Variants in RBM15 observed in about 807,000 individuals in gnomAD.
The protein encoded by RBM15 is RNA binding motif protein 15.
RBM15 carries 8 observed loss-of-function variants against 62.6 expected under a neutral mutation model. That is an observed-to-expected ratio of 0.13 (90% CI 0.07 to 0.23). The LOEUF is 0.23. Among genes scored for constraint, RBM15 ranks in the 10% least tolerant of loss-of-function variants. The pLI is 1.00. For synonymous variants in RBM15, 606 were observed against 505.7 expected, an observed-to-expected ratio of 1.20 and a Z score of -2.66; for missense variants, 1,144 against 1,286.5, an observed-to-expected ratio of 0.89 and a Z score of 1.69.
At chr1:110,343,906 A>T (rs919562383) in intron 1 of RBM15, among the ~76,000 whole-genome samples, 1 of 152,182 alleles carries the variant, frequency 6.6e-6, no homozygotes, top group Non-Finnish European at 1.5e-5. Flanking sequence ...TGTCTAATGC[A>T]TGTCAGCACA....
In RBM15 at chr1:110,340,447, A is replaced by C; in HGVS notation, c.1042A>C (p.Arg348=). Residue 348 remains arginine (R), a synonymous_variant, in exon 1 of 3, where the codon AGG becomes CGG. Transcript: ENST00000369784. This position sits in a 1 kb window ranked among gnomAD's most constrained non-coding sequence, Gnocchi z 5.8. Reference sequence around the variant, plus strand: ...GCGCCCTGCATACAGTCTTGAGCCAAGGGTGGGAGCTGGAGCAGGTGCTGC... The same window carrying C: ...GCGCCCTGCATACAGTCTTGAGCCACGGGTGGGAGCTGGAGCAGGTGCTGC... The part of the protein sequence containing the change: ...RVRPAYSLEP[R]VGAGAGAAPF... 1 of 1,614,198 alleles carries C rather than the reference A, an allele frequency of 6.2e-7. No homozygotes were observed. Among genetic ancestry groups the C allele is most frequent in the African/African-American group, 1.3e-5 (1 of 75,052 alleles).
rs1660778367 is a variant in RBM15 at position 110,340,773 on chromosome 1, C to T, written c.1368C>T (p.Arg456=). The T allele has an allele frequency of 1.2e-6, 2 of 1,614,060 alleles. No individual in the cohort carries two copies. Among genetic ancestry groups the T allele is most frequent in the Non-Finnish European group, 1.7e-6 (2 of 1,180,050 alleles). The part of the protein sequence containing the change: ...IGYGKATPTT[R]LWVGGLGPWV... ...ATGGTAAAGCTACACCCACCACCCG[C>T]CTCTGGGTGGGAGGCCTGGGACCTT... The change falls in exon 1 of 3, where the codon CGC becomes CGT. Residue 456 remains arginine, a synonymous_variant. Transcript: ENST00000369784. This position sits in a 1 kb window ranked among gnomAD's most constrained non-coding sequence, Gnocchi z 5.8.
chr1:110,340,610 A>G lies in RBM15; in HGVS notation c.1205A>G (p.Glu402Gly). ...TTTGATCGCTTTGGAGTCATCACAG[A>G]AGTAGATATCAAGAGGCCTTCTCGC... ...RAFDRFGVIT[E>G]VDIKRPSRGQ... Residue 402 changes from glutamate to glycine, a missense_variant, in exon 1 of 3, where the codon GAA (glutamate) becomes GGA (glycine). Glu to Gly is a moderately conservative substitution (Grantham distance 98, BLOSUM62 -2). Around this residue, in one of 8 missense-constraint regions of RBM15, gnomAD observed 105 missense variants for 193.6 expected, o/e 0.54. Coordinates refer to ENST00000369784, the MANE Select transcript of RBM15 (RefSeq NM_022768.5). This position sits in a 1 kb window ranked among gnomAD's most constrained non-coding sequence, Gnocchi z 5.8. 6.2e-7 allele frequency: 1 copy of G among 1,614,196 alleles called. No homozygotes were observed.
At position 110,341,239 on chromosome 1, in the gene RBM15, G is replaced by A. The variant is rs1235785151; in HGVS notation, c.1834G>A (p.Asp612Asn). Residue 612 changes from aspartate (D) to asparagine (N), a missense_variant, in exon 1 of 3, where the codon GAT (aspartate) becomes AAT (asparagine). Transcript: ENST00000369784. This position sits in a 1 kb window ranked among gnomAD's most constrained non-coding sequence, Gnocchi z 4.5. ...TTCTGTGCCTGCTTACGAGCCACTGGATAGCCTAGATCGCAGGCGGGATGG... is the reference window on the plus strand; with the variant it reads ...TTCTGTGCCTGCTTACGAGCCACTGAATAGCCTAGATCGCAGGCGGGATGG... Reference protein sequence around the residue: ...ATSVPAYEPLDSLDRRRDGWS... With the variant: ...ATSVPAYEPLNSLDRRRDGWS... 1.9e-6 allele frequency: 3 copies of A among 1,614,128 alleles called. No individual in the cohort carries two copies. Among genetic ancestry groups the A allele is most frequent in the Admixed American group, 3.3e-5 (2 of 60,026 alleles).
At chr1:110,342,441 G>A (rs996375732) in intron 1 of RBM15, 173 bp downstream of exon 1, 21 of 503,326 alleles carry the variant, frequency 4.2e-5, no homozygotes, top group Admixed American at 2.7e-4. Flanking sequence ...GGACAGTTTA[G>A]CTATTTTTTT....
chr1:110,340,303 T>G lies in RBM15; in HGVS notation c.898T>G (p.Leu300Val). ...QRSLSPGGAA[L>V]GYRDYRLQQL... is the part of the protein sequence containing the mutation. ...ATCACTTTCCCCTGGTGGCGCTGCTTTGGGATACAGAGACTACCGGCTGCA... is the reference window on the plus strand; with the variant it reads ...ATCACTTTCCCCTGGTGGCGCTGCTGTGGGATACAGAGACTACCGGCTGCA... Residue 300 changes from leucine to valine, a missense_variant, in exon 1 of 3, where the codon TTG becomes GTG. Physicochemically the swap from Leu to Val is conservative, Grantham distance 32 (BLOSUM62 1). Coordinates refer to ENST00000369784, the MANE Select transcript of RBM15 (RefSeq NM_022768.5). This position sits in a 1 kb window ranked among gnomAD's most constrained non-coding sequence, Gnocchi z 5.8. The G allele has an allele frequency of 6.2e-7, 1 of 1,614,172 alleles. No individual in the cohort carries two copies. Among genetic ancestry groups the G allele is most frequent in the Non-Finnish European group, 8.5e-7 (1 of 1,180,030 alleles).
At position 110,346,506 on chromosome 1, in the gene RBM15, G is replaced by A. The variant is rs550686043; in HGVS notation, c.*239G>A. The A allele has an allele frequency of 2.0e-5, 15 of 742,240 alleles. No individual in the cohort carries two copies. In the East Asian group the frequency reaches 2.2e-4, roughly 11 times the overall value. 46.0% of individuals were successfully genotyped at this position (742,240 alleles called of 1,614,324 possible). A position where few individuals can be genotyped will look rare whatever the true frequency, so the allele number is the denominator to read the frequency against. On this transcript the variant is annotated 3_prime_UTR_variant, in exon 3 of 3. Transcript: ENST00000369784. ...TGTGATGCCAATGCCGGTGTTTTAA[G>A]TGGAAAAAAAATGACCTCTTTGATT...
rs1229287230 is a variant in RBM15 at position 110,342,256 on chromosome 1, A to G, written c.2851A>G (p.Ile951Val). 6.3e-7 allele frequency: 1 copy of G among 1,583,320 alleles called. No individual in the cohort carries two copies. The highest frequency in any genetic ancestry group is 1.4e-5 in the African/African-American group (1 of 73,760). The change falls in exon 1 of 3, where the codon ATC becomes GTC. Residue 951 changes from isoleucine to valine, a missense_variant. Ile to Val is a conservative substitution (Grantham distance 29, BLOSUM62 3). This residue lies in a region of RBM15 where 144 missense variants were observed against 223.3 expected (regional missense o/e 0.64). Transcript: ENST00000369784. ...AKSEEDYLVM[I>V]IVRGFGFQIG... ...ATCTGAAGAAGATTACCTGGTCATG[A>G]TCATTGTCCGTGGTGCGTCCTAAAG...
At chr1:110,343,271 A>G (rs1660837863) in intron 1 of RBM15, among the ~76,000 whole-genome samples, 1 of 152,162 alleles carries the variant, frequency 6.6e-6, no homozygotes, top group South Asian at 2.1e-4. Context: ...GAATTTCTTA[A>G]AAAGTCATCA....
Position 110,339,666 on chromosome 1 carries a change from G to A in RBM15, c.261G>A (p.Lys87=), listed in dbSNP as rs149563376. The A allele has an allele frequency of 3.1e-5, 50 of 1,613,172 alleles. 1 individual carries two copies. Among genetic ancestry groups the A allele is most frequent in the Non-Finnish European group, 4.0e-5 (47 of 1,179,994 alleles). The part of the protein sequence containing the change: ...SGGSNGSSSG[K]TDSGGGSRRS... Reference sequence around the variant, plus strand: ...GCAGCAATGGGAGCAGCAGCGGAAAGACCGATAGCGGCGGTGGGTCGCGGC... The same window carrying A: ...GCAGCAATGGGAGCAGCAGCGGAAAAACCGATAGCGGCGGTGGGTCGCGGC... The change falls in exon 1 of 3, where the codon AAG becomes AAA. Residue 87 remains lysine (K), a synonymous_variant. Coordinates refer to ENST00000369784, the MANE Select transcript of RBM15 (RefSeq NM_022768.5).
In RBM15 at chr1:110,340,358, C is replaced by T. The variant is rs1660769448; in HGVS notation, c.953C>T (p.Pro318Leu). 6.2e-7 allele frequency: 1 copy of T among 1,614,190 alleles called. No homozygotes were observed. Among genetic ancestry groups the T allele is most frequent in the Non-Finnish European group, 8.5e-7 (1 of 1,180,034 alleles). ...QQLALGRLPP[P>L]PPPPLPRDLE... The stretch of plus-strand genomic sequence containing the variant: ...TTGGCTCTTGGCCGCCTGCCCCCTC[C>T]ACCTCCGCCACCATTGCCTCGAGAC... Residue 318 changes from proline to leucine, a missense_variant, in exon 1 of 3, where the codon CCA (proline) becomes CTA (leucine). Physicochemically the swap from Pro to Leu is moderately conservative, Grantham distance 98. Transcript: ENST00000369784. This position sits in a 1 kb window ranked among gnomAD's most constrained non-coding sequence, Gnocchi z 5.8.
Position 110,341,527 on chromosome 1 carries a change from A to G in RBM15, c.2122A>G (p.Ser708Gly), listed in dbSNP as rs1660797571. ...CTCTCCAATCAGAGACAGACGAGGT[A>G]GTTTGGAGAAGAGCCAGGGTGACAA... Reference protein sequence around the residue: ...RPSPIRDRRGSLEKSQGDKRD... With the variant: ...RPSPIRDRRGGLEKSQGDKRD... Residue 708 changes from serine (S) to glycine (G), a missense_variant, in exon 1 of 3, where the codon AGT (serine) becomes GGT (glycine). Coordinates refer to ENST00000369784, the MANE Select transcript of RBM15 (RefSeq NM_022768.5). This position sits in a 1 kb window ranked among gnomAD's most constrained non-coding sequence, Gnocchi z 4.5. 6.2e-7 allele frequency: 1 copy of G among 1,614,048 alleles called. No individual in the cohort carries two copies. The highest frequency in any genetic ancestry group is 2.2e-5 in the East Asian group (1 of 44,868).
chr1:110,343,375 A>G (rs1436797131), intron 1 of RBM15, among the ~76,000 whole-genome samples: 2 of 152,176 alleles, frequency 1.3e-5, no homozygotes, highest in Non-Finnish European at 2.9e-5. Flanking sequence ...AAATGTTTTG[A>G]ACATCTTGGA....
In RBM15 at chr1:110,340,226, G is replaced by A. The variant is rs1183844954; in HGVS notation, c.821G>A (p.Gly274Glu). 2 of 1,614,212 alleles carry A rather than the reference G, an allele frequency of 1.2e-6. No individual in the cohort carries two copies. Among genetic ancestry groups the A allele is most frequent in the Admixed American group, 1.7e-5 (1 of 60,024 alleles). Residue 274 changes from glycine to glutamate, a missense_variant, in exon 1 of 3, where the codon GGG becomes GAG. Around this residue, in one of 8 missense-constraint regions of RBM15, gnomAD observed 188 missense variants for 185.6 expected, o/e 1.01. Coordinates refer to ENST00000369784, the MANE Select transcript of RBM15 (RefSeq NM_022768.5). This position sits in a 1 kb window ranked among gnomAD's most constrained non-coding sequence, Gnocchi z 5.8. ...DTYPPSASVV[G>E]ASVGGHRHPP... ...TATCCTCCATCAGCCAGTGTGGTCG[G>A]GGCCTCTGTAGGTGGTCACCGGCAC...
chr1:110,343,056 GTT>G (rs1660833690), intron 1 of RBM15, among the ~76,000 whole-genome samples: 1 of 152,160 alleles, frequency 6.6e-6, no homozygotes, highest in African/African-American at 2.4e-5. Flanking sequence ...GTGTGGTGGT[GTT>G]TTTACTGACT....
chr1:110,340,289 C>G lies in RBM15; in HGVS notation c.884C>G (p.Pro295Arg), dbSNP rs751703433. Residue 295 changes from proline to arginine, a missense_variant, in exon 1 of 3, where the codon CCT becomes CGT. Pro to Arg is a moderately radical substitution (Grantham distance 103). Transcript: ENST00000369784. The surrounding 1 kb of genome is among the most constrained non-coding windows in gnomAD (Gnocchi z 5.8). ...GGGGGQRSLS[P>R]GGAALGYRDY... ...GGTGGAGGCCAGAGATCACTTTCCC[C>G]TGGTGGCGCTGCTTTGGGATACAGA... 1 of 1,614,242 alleles carries G rather than the reference C, an allele frequency of 6.2e-7. No homozygotes were observed. The highest frequency in any genetic ancestry group is 8.5e-7 in the Non-Finnish European group (1 of 1,180,026).
At chr1:110,344,704 G>A (rs1660866136) in intron 1 of RBM15, among the ~76,000 whole-genome samples, 2 of 152,044 alleles carry the variant, frequency 1.3e-5, no homozygotes, top group Non-Finnish European at 2.9e-5. Flanking sequence ...TAAACCTTAA[G>A]AATTCAAATG....
At position 110,339,789 on chromosome 1, in the gene RBM15, C is replaced by T. The variant is rs930252008; in HGVS notation, c.384C>T (p.Ser128=). 1 of 1,603,836 alleles carries T rather than the reference C, an allele frequency of 6.2e-7. No homozygotes were observed. Among genetic ancestry groups the T allele is most frequent in the African/African-American group, 1.3e-5 (1 of 74,652 alleles). ...GTAGCCGCTTGCATAGTTATAGCTC[C>T]CCGAGCACCAAAAATTCTTCGGGCG... The part of the protein sequence containing the change: ...SSSSRLHSYS[S]PSTKNSSGGG... Residue 128 remains serine (S), a synonymous_variant, in exon 1 of 3, where the codon TCC becomes TCT. Coordinates refer to ENST00000369784, the MANE Select transcript of RBM15 (RefSeq NM_022768.5).
At chr1:110,342,296 G>T in intron 1 of RBM15, 28 bp downstream of exon 1, 1 of 1,510,970 alleles carries the variant, frequency 6.6e-7, no homozygotes, top group South Asian at 1.3e-5. Flanking sequence ...TGTGTAACTT[G>T]TATTTACTAC....
Sources: gnomAD v4.1 joint callset for allele counts (sites outside exome capture counted in the v4.1 genomes callset) on GRCh38, gnomAD v4.1.1 for gene constraint, gnomAD v4.1.1 regional missense constraint, Gnocchi (gnomAD v3.1) non-coding constraint, MANE v1.5 for transcripts, NCBI Gene and HGNC (gene_info 2026-07-23, HGNC 2026-07-21) for gene names.